CRPPA: variants seen among roughly 807,000 people sequenced by gnomAD.
CRPPA encodes D-ribitol-5-phosphate cytidylyltransferase.
In CRPPA, 43 loss-of-function variants were observed where a neutral mutation model predicts 52.0. The observed-to-expected ratio is 0.83, with a 90% CI of 0.65 to 1.07. The LOEUF (loss-of-function observed/expected upper bound fraction) is 1.07, where lower values mean the gene tolerates loss of function less well. Among genes scored for constraint, CRPPA ranks in the 50% least tolerant of loss-of-function variants. The pLI is 0.00. For synonymous variants in CRPPA, 250 were observed against 203.5 expected (o/e 1.23, Z -1.94); for missense variants, 629 against 551.7 (o/e 1.14, Z -1.40).
At chr7:16,363,098 TCAA>T (rs1375730823) in intron 3 of CRPPA, among the ~76,000 whole-genome samples, 1 of 152,168 alleles carries the variant, frequency 6.6e-6, no homozygotes, top group Non-Finnish European at 1.5e-5. Context: ...ATGTTAATTA[TCAA>T]CTACCATCAA....
chr7:16,101,668 C>T (rs1489972925), intron 9 of CRPPA, among the ~76,000 whole-genome samples: 1 of 151,890 alleles, frequency 6.6e-6, no homozygotes, highest in Non-Finnish European at 1.5e-5. Flanking sequence ...CATTCCTATA[C>T]ACCAATAATA....
intron 9 of CRPPA, among the ~76,000 whole-genome samples, chr7:16,178,286 T>A (rs774594084): frequency 3.2e-4 from 48 of 152,088 alleles, no homozygotes; most frequent in Admixed American, 1.3e-4. Flanking sequence ...GCAATTACTG[T>A]GATTCATCTG....
intron 9 of CRPPA, among the ~76,000 whole-genome samples, chr7:16,131,782 T>C (rs1046740188): frequency 6.6e-6 from 1 of 152,154 alleles, no homozygotes; most frequent in African/African-American, 2.4e-5. Flanking sequence ...AGTCTCACCA[T>C]GTTGCCCAGG....
intron 5 of CRPPA, among the ~76,000 whole-genome samples, chr7:16,284,868 C>T (rs998580354): frequency 1.3e-5 from 2 of 152,016 alleles, no homozygotes; most frequent in South Asian, 2.1e-4. Flanking sequence ...ACTTGTACCA[C>T]GTGTTTGGAA....
chr7:16,317,135 G>C (rs909528044), intron 3 of CRPPA, among the ~76,000 whole-genome samples: 2 of 152,134 alleles, frequency 1.3e-5, no homozygotes, highest in Non-Finnish European at 2.9e-5. Flanking sequence ...ATTACCAATT[G>C]ATTAAGAGCA....
At chr7:16,243,415 A>G (rs184815244) in intron 8 of CRPPA, among the ~76,000 whole-genome samples, 135 of 152,326 alleles carry the variant, frequency 8.9e-4, no homozygotes, top group African/African-American at 2.9e-3. Context: ...AGAACTCAAT[A>G]TAATTACAAT....
At chr7:16,350,002 G>C (rs983156201) in intron 3 of CRPPA, among the ~76,000 whole-genome samples, 1 of 151,950 alleles carries the variant, frequency 6.6e-6, no homozygotes, top group South Asian at 2.1e-4. Flanking sequence ...AAAGCAGCAA[G>C]GGAAACCCAA....
At chr7:16,369,088 G>T (rs1296995867) in intron 3 of CRPPA, among the ~76,000 whole-genome samples, 1 of 152,126 alleles carries the variant, frequency 6.6e-6, no homozygotes, top group Non-Finnish European at 1.5e-5. Context: ...TGTGTAGCAG[G>T]AAGAGCCACA....
At chr7:16,276,108 A>G (rs1784199307) in intron 6 of CRPPA, among the ~76,000 whole-genome samples, 1 of 152,056 alleles carries the variant, frequency 6.6e-6, no homozygotes, top group Admixed American at 6.5e-5. Flanking sequence ...TAATGACTGA[A>G]CAGAAATAAA....
chr7:16,403,492 T>A (rs1787879271), intron 2 of CRPPA, among the ~76,000 whole-genome samples: 1 of 152,082 alleles, frequency 6.6e-6, no homozygotes, highest in South Asian at 2.1e-4. Context: ...GTGTAGCTTG[T>A]TCAGAAAATG....
chr7:16,272,962 TTTTTA>T (rs1020847254), intron 6 of CRPPA, among the ~76,000 whole-genome samples: 4 of 151,980 alleles, frequency 2.6e-5, no homozygotes, highest in African/African-American at 4.8e-5. Context: ...GTCGCTTTTT[TTTTTA>T]TTTTATTATT....
chr7:16,338,630 C>A (rs964819379), intron 3 of CRPPA, among the ~76,000 whole-genome samples: 70 of 152,068 alleles, frequency 4.6e-4, no homozygotes, highest in African/African-American at 1.4e-3. Context: ...GAATTATAAA[C>A]AACTCTAGGC....
chr7:16,299,661 A>T (rs546432153), intron 5 of CRPPA, among the ~76,000 whole-genome samples: 2 of 152,320 alleles, frequency 1.3e-5, no homozygotes, highest in Admixed American at 6.5e-5. Context: ...TGTTGACCTA[A>T]ATGAGCTGTT....
At chr7:16,384,796 C>T (rs1787209672) in intron 2 of CRPPA, among the ~76,000 whole-genome samples, 1 of 152,058 alleles carries the variant, frequency 6.6e-6, no homozygotes, top group Non-Finnish European at 1.5e-5. Context: ...AAGTGATATC[C>T]TCCAGGGATG....
chr7:16,115,574 G>A (rs532723811), intron 9 of CRPPA, among the ~76,000 whole-genome samples: 46 of 152,312 alleles, frequency 3.0e-4, no homozygotes, highest in Non-Finnish European at 6.6e-4. Flanking sequence ...AGCACCCTTA[G>A]TGCTCAGGAT....
At chr7:16,416,503 A>G (rs1012403720) in intron 1 of CRPPA, among the ~76,000 whole-genome samples, 4 of 152,164 alleles carry the variant, frequency 2.6e-5, no homozygotes, top group Admixed American at 6.5e-5. Flanking sequence ...TCCAACAAAA[A>G]CAAAAATTGA....
intron 6 of CRPPA, among the ~76,000 whole-genome samples, chr7:16,260,223 T>C (rs1271561924): frequency 1.3e-5 from 2 of 152,054 alleles, no homozygotes; most frequent in Non-Finnish European, 2.9e-5. Flanking sequence ...CATACTTCCT[T>C]TGCAAGGATG....
At chr7:16,313,633 G>A (rs1479877814) in intron 3 of CRPPA, among the ~76,000 whole-genome samples, 1 of 151,786 alleles carries the variant, frequency 6.6e-6, no homozygotes, top group Admixed American at 6.6e-5. Context: ...CTGATTTTAG[G>A]TCTTTCTTTT....
chr7:16,338,813 C>CTTTT (rs59732453), intron 3 of CRPPA, among the ~76,000 whole-genome samples: 1 of 116,512 alleles, frequency 8.6e-6, no homozygotes, highest in Non-Finnish European at 1.8e-5. Flanking sequence ...TTCTAGCAAA[C>CTTTT]TTTTTTTTTT....
Sources: gnomAD v4.1 joint callset for allele counts (sites outside exome capture counted in the v4.1 genomes callset) on GRCh38, gnomAD v4.1.1 for gene constraint, MANE v1.5 for transcripts, NCBI Gene and HGNC (gene_info 2026-07-23, HGNC 2026-07-21) for gene names.